Variants in HNRNPU observed in about 807,000 individuals in gnomAD.
HNRNPU encodes the protein heterogeneous nuclear ribonucleoprotein U, also known as HNRNPU antisense RNA 1.
A neutral mutation model predicts 94.7 loss-of-function variants in HNRNPU; 5 were observed. The observed-to-expected ratio is 0.05, with a 90% CI of 0.03 to 0.11. The LOEUF (loss-of-function observed/expected upper bound fraction) is 0.11, where lower values mean the gene tolerates loss of function less well. HNRNPU is among the 10% of genes least tolerant of loss of function. The pLI is 1.00. For synonymous variants in HNRNPU, 434 were observed against 381.6 expected, an observed-to-expected ratio of 1.14 and a Z score of -1.60; for missense variants, 710 against 1,049.2, an observed-to-expected ratio of 0.68 and a Z score of 4.47.
intron 3 of HNRNPU, chr1:244,861,513 G>A (rs1454836710): frequency 6.6e-6 from 1 of 152,004 alleles, no homozygotes; most frequent in Non-Finnish European, 1.5e-5. Context: ...TCAACCTTCT[G>A]TAAAGGATAT....
rs1269119902 is a variant in HNRNPU at position 244,864,290 on chromosome 1, A to C, written c.18T>G (p.Val6=). 1 of 1,612,972 alleles carries C rather than the reference A, an allele frequency of 6.2e-7. No individual in the cohort carries two copies. The highest frequency in any genetic ancestry group is 1.7e-5 in the Admixed American group (1 of 59,986). The change falls in exon 1 of 14, where the codon GTT becomes GTG. Residue 6 remains valine (V), a synonymous_variant. Transcript: ENST00000640218. MSSSP[V]NVKKLKVSEL... is the part of the protein sequence containing the mutation. Reference sequence around the variant, plus strand: ...CCGACACCTTCAGCTTTTTTACATTAACAGGCGAGGAACTCATGGTGAGGG... The same window carrying C: ...CCGACACCTTCAGCTTTTTTACATTCACAGGCGAGGAACTCATGGTGAGGG...
intron 1 of HNRNPU, among the ~76,000 whole-genome samples, 193 bp downstream of exon 1, chr1:244,863,416 ACACACGCG>A (rs1558190135): frequency 1.4e-5 from 2 of 143,170 alleles, no homozygotes; most frequent in African/African-American, 5.3e-5. Context: ...ACACACACAC[ACACACGCG>A]CGCGCGCACA....
rs371751538 is a variant in HNRNPU, at chr1:244,858,283, C to T, written c.1231-9G>A. ...TCATCACTTTCAAAGTTCTGTTACA[C>T]AGAAAAAAATTCAACAGTTAAAATC... is the stretch of plus-strand genomic sequence containing the variant. On this transcript the variant is annotated splice_polypyrimidine_tract_variant and intron_variant, in intron 6 of 13. Coordinates refer to ENST00000640218, the MANE Select transcript of HNRNPU (RefSeq NM_031844.3). 1 of 1,605,060 alleles carries T rather than the reference C, an allele frequency of 6.2e-7. No homozygotes were observed. The highest frequency in any genetic ancestry group is 1.3e-5 in the African/African-American group (1 of 74,390).
chr1:244,862,395 T>TTAAAAAAAAAA, intron 3 of HNRNPU, 66 bp downstream of exon 3: 1 of 798,308 alleles, frequency 1.3e-6, no homozygotes, highest in Non-Finnish European at 1.9e-6. Context: ...TTAAGACTTC[T>TTAAAAAAAAAA]AAAAAAAAAA....
In HNRNPU at chr1:244,851,402, G is replaced by T. The variant is rs1193848223; in HGVS notation, c.*3048C>A. The T allele has an allele frequency of 6.6e-6, 1 of 152,146 alleles. No homozygotes were observed. The highest frequency in any genetic ancestry group is 2.4e-5 in the African/African-American group (1 of 41,430). 9.4% of individuals were successfully genotyped at this position (152,146 alleles called of 1,614,324 possible). A position where few individuals can be genotyped will look rare whatever the true frequency, so the allele number is the denominator to read the frequency against. ...AGAATAAAAAGTCAATTTATATTGT[G>T]AATAAATTTATCAAAAAACATGTCA... is the stretch of plus-strand genomic sequence containing the variant. On this transcript the variant is annotated 3_prime_UTR_variant, in exon 14 of 14. Coordinates refer to ENST00000640218, the MANE Select transcript of HNRNPU (RefSeq NM_031844.3).
Position 244,859,343 on chromosome 1 carries a change from T to C in HNRNPU, c.1049A>G (p.Tyr350Cys). The C allele has an allele frequency of 6.3e-7, 1 of 1,584,106 alleles. No individual in the cohort carries two copies. Among genetic ancestry groups the C allele is most frequent in the Non-Finnish European group, 8.7e-7 (1 of 1,153,308 alleles). ...TTCATGTATGTCAATATCTTTTGTA[T>C]ATAAATGCCTTACTGGGATCTTCTC... ...VTEKIPVRHL[Y>C]TKDIDIHEVR... is the part of the protein sequence containing the mutation. Residue 350 changes from tyrosine (Y) to cysteine (C), a missense_variant, in exon 5 of 14, where the codon TAT becomes TGT. Tyr to Cys is a radical substitution (Grantham distance 194). Transcript: ENST00000640218.
Position 244,863,705 on chromosome 1 carries a change from G to T in HNRNPU, c.603C>A (p.Pro201=). ...CCTGCTGCTGGCCCTGCCTCGCCCC[G>T]GGCGGCGCCACCGTCACCGCGAACA... ...TSLFAVTVAP[P]GARQGQQQAG... is the part of the protein sequence containing the mutation. Residue 201 remains proline, a synonymous_variant, in exon 1 of 14, where the codon CCC becomes CCA. Coordinates refer to ENST00000640218, the MANE Select transcript of HNRNPU (RefSeq NM_031844.3). The T allele has an allele frequency of 6.4e-7, 1 of 1,563,882 alleles. No individual in the cohort carries two copies.
chr1:244,858,433 T>C (rs1680737334), intron 6 of HNRNPU, 159 bp from the exon 7 acceptor site: 1 of 656,200 alleles, frequency 1.5e-6, no homozygotes, highest in African/African-American at 1.8e-5. Context: ...AATCTGATGG[T>C]TGTAAACCAT....
intron 4 of HNRNPU, 177 bp downstream of exon 4, chr1:244,860,158 G>A: frequency 3.8e-6 from 2 of 524,622 alleles, no homozygotes; most frequent in Non-Finnish European, 6.7e-6. Context: ...AAATTAGCCA[G>A]GTGTGGTAGT....
Position 244,854,402 on chromosome 1 carries a change from T to C in HNRNPU, c.*48A>G. 7.9e-7 allele frequency: 1 copy of C among 1,257,922 alleles called. No individual in the cohort carries two copies. Among genetic ancestry groups the C allele is most frequent in the Non-Finnish European group, 1.2e-6 (1 of 860,054 alleles). The allele number at this position is 1,257,922 out of a possible 1,614,324, so 77.9% of individuals were successfully genotyped here. A position where few individuals can be genotyped will look rare whatever the true frequency, so the allele number is the denominator to read the frequency against. On this transcript the variant is annotated 3_prime_UTR_variant, in exon 14 of 14. Transcript: ENST00000640218. ...CCTACTAAAGAAAACAGTCGACTTC[T>C]TGTGAAGGTTTTGGAGAAATATGTA...
rs747108904 is a variant in HNRNPU, at chr1:244,863,931, GCCT to G, written c.374_376del (p.Glu125del). The G allele has an allele frequency of 3.7e-5, 60 of 1,613,690 alleles. No homozygotes were observed. The highest frequency in any genetic ancestry group is 4.7e-5 in the Non-Finnish European group (55 of 1,179,894). Reference sequence around the variant, plus strand: ...GTCGCCGTTCTCGTCTTCCGAGGCGGCCTCCTCCTCCTCCATCGGGCCCGAGTC... The same window carrying G: ...GTCGCCGTTCTCGTCTTCCGAGGCGGCCTCCTCCTCCATCGGGCCCGAGTC... On this transcript the variant is annotated inframe_deletion, in exon 1 of 14. Transcript: ENST00000640218.
In HNRNPU at chr1:244,851,867, C is replaced by T. The variant is rs549758732; in HGVS notation, c.*2583G>A. 63 of 152,344 alleles carry T rather than the reference C, an allele frequency of 4.1e-4. No homozygotes were observed. The highest frequency in any genetic ancestry group is 1.5e-3 in the African/African-American group (62 of 41,572). The allele number at this position is 152,344 out of a possible 1,614,324, so 9.4% of individuals were successfully genotyped here. On this transcript the variant is annotated 3_prime_UTR_variant, in exon 14 of 14. Coordinates refer to ENST00000640218, the MANE Select transcript of HNRNPU (RefSeq NM_031844.3). ...AGTTTTAGTTTTCTCATAGCTATCTCATAGCAGTTTTAGTTTTCTCAAATT... is the reference window on the plus strand; with the variant it reads ...AGTTTTAGTTTTCTCATAGCTATCTTATAGCAGTTTTAGTTTTCTCAAATT...
In HNRNPU at chr1:244,863,773, C is replaced by T. The variant is rs527410720; in HGVS notation, c.535G>A (p.Ala179Thr). ...CTCTTCCCCGCGGCCTCCTTGGCGG[C>T]CCCGCGCTGCTGTTGGGGCTGTTGC... ...QQQQPQQQRG[A>T]AKEAAGKSSG... The change falls in exon 1 of 14, where the codon GCC becomes ACC. Residue 179 changes from alanine to threonine, a missense_variant. Ala to Thr is a moderately conservative substitution (Grantham distance 58). Transcript: ENST00000640218. 3.8e-6 allele frequency: 6 copies of T among 1,597,032 alleles called. No individual in the cohort carries two copies. Among genetic ancestry groups the T allele is most frequent in the Admixed American group, 1.7e-5 (1 of 58,276 alleles).
At chr1:244,858,451 G>GT (rs1298725687) in intron 6 of HNRNPU, 177 bp from the exon 7 acceptor site, 4 of 628,094 alleles carry the variant, frequency 6.4e-6, no homozygotes, top group African/African-American at 3.7e-5. Context: ...CATGAAGCAC[G>GT]TATCTCCAGA....
chr1:244,850,425 A>G lies in HNRNPU; in HGVS notation c.*4025T>C, dbSNP rs899434438. On this transcript the variant is annotated 3_prime_UTR_variant, in exon 14 of 14. Transcript: ENST00000640218. ...ACCAACTCAAGCACTAACACTAGCT[A>G]GATCACCTTCATGCTTTAAAATTTA... is the stretch of plus-strand genomic sequence containing the variant. The G allele has an allele frequency of 6.6e-6, 1 of 151,722 alleles. No homozygotes were observed. Among genetic ancestry groups the G allele is most frequent in the Non-Finnish European group, 1.5e-5 (1 of 67,900 alleles). The allele number at this position is 151,722 out of a possible 1,614,324, so 9.4% of individuals were successfully genotyped here.
rs377537088 is a variant in HNRNPU at position 244,864,119 on chromosome 1, G to A, written c.189C>T (p.Gly63=). ...MEPGNGSLDL[G]GDSAGRSGAG... is the part of the protein sequence containing the mutation. Reference sequence around the variant, plus strand: ...CTCCCGAGCGCCCAGCGGAATCCCCGCCCAGGTCTAGGCTGCCGTTCCCGG... The same window carrying A: ...CTCCCGAGCGCCCAGCGGAATCCCCACCCAGGTCTAGGCTGCCGTTCCCGG... The change falls in exon 1 of 14, where the codon GGC becomes GGT. Residue 63 remains glycine, a synonymous_variant. Coordinates refer to ENST00000640218, the MANE Select transcript of HNRNPU (RefSeq NM_031844.3). The A allele has an allele frequency of 2.1e-5, 34 of 1,597,596 alleles. No individual in the cohort carries two copies. The highest frequency in any genetic ancestry group is 2.6e-5 in the Non-Finnish European group (31 of 1,172,324).
rs762815958 is a variant in HNRNPU, at chr1:244,860,479, AATT to A, written c.878-8_878-6del. The A allele has an allele frequency of 7.0e-6, 11 of 1,580,448 alleles. No homozygotes were observed. In the South Asian group the frequency reaches 1.2e-4, roughly 18 times the overall value. Reference sequence around the variant, plus strand: ...TAAAATGTAGATCACAATTATCTGTAATTATATCAAATACTGTGTTACTTTTGA... The same window carrying A: ...TAAAATGTAGATCACAATTATCTGTAATATCAAATACTGTGTTACTTTTGA... On this transcript the variant is annotated splice_region_variant and splice_polypyrimidine_tract_variant and intron_variant, in intron 3 of 13. Coordinates refer to ENST00000640218, the MANE Select transcript of HNRNPU (RefSeq NM_031844.3).
In HNRNPU at chr1:244,855,576, CCCT is replaced by C. The variant is rs1158565690; in HGVS notation, c.2197_2199del (p.Arg733del). The C allele has an allele frequency of 2.5e-6, 4 of 1,613,638 alleles. No homozygotes were observed. The highest frequency in any genetic ancestry group is 3.4e-6 in the Non-Finnish European group (4 of 1,179,892). On this transcript the variant is annotated inframe_deletion, in exon 12 of 14. Transcript: ENST00000640218. ...CCACCACCTCTCTGTGGCATGTTGC[CCCT>C]CCTATTATATCCGCCACGATTCCCA... is the stretch of plus-strand genomic sequence containing the variant.
In HNRNPU at chr1:244,854,326, TAA is replaced by T; in HGVS notation, c.*122_*123del. 1.4e-6 allele frequency: 1 copy of T among 718,112 alleles called. No homozygotes were observed. The highest frequency in any genetic ancestry group is 2.5e-6 in the Non-Finnish European group (1 of 404,758). The allele number at this position is 718,112 out of a possible 1,614,324, so 44.5% of individuals were successfully genotyped here. Reference sequence around the variant, plus strand: ...AAAAAAAATCAACCCACAAAGCTTCTAAAAAAGGAACCCGCAGGCACTTCCTC... The same window carrying T: ...AAAAAAAATCAACCCACAAAGCTTCTAAAAGGAACCCGCAGGCACTTCCTC... On this transcript the variant is annotated 3_prime_UTR_variant, in exon 14 of 14. Coordinates refer to ENST00000640218, the MANE Select transcript of HNRNPU (RefSeq NM_031844.3).
Sources: allele counts gnomAD v4.1 joint callset (sites outside exome capture counted in the v4.1 genomes callset), GRCh38; gene constraint gnomAD v4.1.1; transcripts MANE v1.5; gene names NCBI Gene and HGNC (gene_info 2026-07-23, HGNC 2026-07-21).